The following VRK3 variants were observed in gnomAD, a reference collection of about 807,000 sequenced individuals.
VRK3 encodes serine/threonine-protein kinase VRK3.
VRK3 carries 50 observed loss-of-function variants against 60.4 expected under a neutral mutation model. That is an observed-to-expected ratio of 0.83 (90% CI 0.66 to 1.05). The LOEUF (loss-of-function observed/expected upper bound fraction) is 1.05, where lower values mean the gene tolerates loss of function less well. Ranked by LOEUF, VRK3 falls within the 50% of genes least tolerant of loss-of-function variation. VRK3 has a pLI of 0.00. For synonymous variants in VRK3, 246 were observed against 227.8 expected, an observed-to-expected ratio of 1.08 and a Z score of -0.72; for missense variants, 549 against 585.3, an observed-to-expected ratio of 0.94 and a Z score of 0.64.
intron 11 of VRK3, among the ~76,000 whole-genome samples, chr19:49,989,342 G>A (rs1238071314): frequency 2.0e-5 from 3 of 152,112 alleles, no homozygotes; most frequent in Non-Finnish European, 2.9e-5. Context: ...CTCCTCAACA[G>A]CCCCTCCTGG....
intron 12 of VRK3, among the ~76,000 whole-genome samples, chr19:49,984,555 G>C (rs1171459347): frequency 1.3e-5 from 2 of 152,164 alleles, no homozygotes; most frequent in African/African-American, 4.8e-5. Flanking sequence ...GCGTCTGCCC[G>C]ACCTCTGTGT....
At chr19:49,993,917 CCT>C (rs1027536865) in intron 9 of VRK3, among the ~76,000 whole-genome samples, 11 of 152,120 alleles carry the variant, frequency 7.2e-5, no homozygotes, top group Admixed American at 2.0e-4. Flanking sequence ...CCATATGGCC[CCT>C]GAGGGCCTTT....
chr19:50,009,711 G>A (rs2076962462), intron 3 of VRK3, among the ~76,000 whole-genome samples: 1 of 152,102 alleles, frequency 6.6e-6, no homozygotes, highest in African/African-American at 2.4e-5. Context: ...TTGGCTCACT[G>A]CAACCTCTGC....
chr19:50,002,940 C>G (rs957031092), intron 5 of VRK3, among the ~76,000 whole-genome samples: 1 of 152,248 alleles, frequency 6.6e-6, no homozygotes, highest in Non-Finnish European at 1.5e-5. Context: ...GAGCACTGTT[C>G]TGGGACCCAT....
intron 3 of VRK3, 27 bp from the exon 4 acceptor site, chr19:50,009,412 C>A: frequency 6.2e-7 from 1 of 1,611,084 alleles, no homozygotes; most frequent in South Asian, 1.1e-5. Context: ...AAAATGCAGA[C>A]TGGAGTTACA....
At chr19:49,984,990 T>C (rs1268564776) in intron 12 of VRK3, among the ~76,000 whole-genome samples, 1 of 152,236 alleles carries the variant, frequency 6.6e-6, no homozygotes, top group Admixed American at 6.5e-5. Context: ...TGTGTGTGTG[T>C]GTCACAGGGA....
At chr19:49,977,858 C>T (rs1320993081) in intron 14 of VRK3, among the ~76,000 whole-genome samples, 5 of 152,258 alleles carry the variant, frequency 3.3e-5, no homozygotes, top group Admixed American at 6.5e-5. Context: ...TACTCCACCA[C>T]GGAGAAAAGA....
At chr19:50,010,415 A>G (rs1216890042) in intron 3 of VRK3, among the ~76,000 whole-genome samples, 1 of 152,186 alleles carries the variant, frequency 6.6e-6, no homozygotes, top group Non-Finnish European at 1.5e-5. Flanking sequence ...GGTACTCATG[A>G]TCCTTGGATG....
chr19:49,984,239 C>A (rs889358464), intron 12 of VRK3, among the ~76,000 whole-genome samples: 1 of 152,204 alleles, frequency 6.6e-6, no homozygotes, highest in African/African-American at 2.4e-5. Context: ...TGGGCTGATT[C>A]TAACCTGGGT....
chr19:49,986,812 A>T (rs2076523931), intron 12 of VRK3: 1 of 152,156 alleles, frequency 6.6e-6, no homozygotes, highest in Admixed American at 6.5e-5. Flanking sequence ...GGCTCCGGAG[A>T]TATTCCCGGG....
intron 4 of VRK3, among the ~76,000 whole-genome samples, chr19:50,008,445 C>T (rs2076938644): frequency 6.6e-6 from 1 of 152,158 alleles, no homozygotes. Flanking sequence ...TGGCAAGAGG[C>T]CTCTGGGCCC....
Position 50,009,351 on chromosome 19 carries a change from G to C in VRK3, c.174C>G (p.Thr58=), listed in dbSNP as rs2122471931. Residue 58 remains threonine (T), a synonymous_variant, in exon 4 of 15, where the codon ACC becomes ACG. Coordinates refer to ENST00000316763, the MANE Select transcript of VRK3 (RefSeq NM_016440.4). ...SKRGLNSSFE[T]SPKKVKWSST... ...TGGACCATTTCACTTTCTTAGGAGA[G>C]GTTTCAAAACTGGAGTTCAGCCCTC... 6.2e-7 allele frequency: 1 copy of C among 1,613,916 alleles called. No individual in the cohort carries two copies. The highest frequency in any genetic ancestry group is 1.7e-4 in the Middle Eastern group (1 of 6,024).
At chr19:50,015,474 A>G (rs894403128) in intron 3 of VRK3, among the ~76,000 whole-genome samples, 1 of 151,990 alleles carries the variant, frequency 6.6e-6, no homozygotes, top group Admixed American at 6.6e-5. Context: ...ATGCCCAGCT[A>G]ATTTTTGTAT....
rs1472490311 is a variant in VRK3, at chr19:50,015,884, G to T, written c.139+140C>A. 4.6e-6 allele frequency: 5 copies of T among 1,093,270 alleles called. No homozygotes were observed. The East Asian group carries it at 1.2e-4, about 26-fold the overall frequency. The allele number at this position is 1,093,270 out of a possible 1,614,324, so 67.7% of individuals were successfully genotyped here. A position where few individuals can be genotyped will look rare whatever the true frequency, so the allele number is the denominator to read the frequency against. ...GGCCAAGAGACTGATGGTAGACAGAGGGGTCCAGTCCTGAGGCCTGGGCTT... is the reference window on the plus strand; with the variant it reads ...GGCCAAGAGACTGATGGTAGACAGATGGGTCCAGTCCTGAGGCCTGGGCTT... On this transcript the variant is annotated intron_variant, in intron 3 of 14. Coordinates refer to ENST00000316763, the MANE Select transcript of VRK3 (RefSeq NM_016440.4).
chr19:50,007,764 C>T lies in VRK3; in HGVS notation c.352G>A (p.Val118Met), dbSNP rs1251477181. 1 of 1,613,948 alleles carries T rather than the reference C, an allele frequency of 6.2e-7. No homozygotes were observed. The highest frequency in any genetic ancestry group is 2.2e-5 in the East Asian group (1 of 44,864). The change falls in exon 5 of 15, where the codon GTG (valine) becomes ATG (methionine). Residue 118 changes from valine (V) to methionine (M), a missense_variant. By Grantham distance (21) the Val-to-Met change is conservative (BLOSUM62 1). Transcript: ENST00000316763. ...GTCTTCTGAGGGCTACCCCTGGTCA[C>T]CTGAGGGCTCTTCCTGGTCTTCTGA... ...SPQKTRKSPQ[V>M]TRGSPQKTSC...
intron 6 of VRK3, 80 bp from the exon 7 acceptor site, chr19:49,997,650 T>C (rs2076729005): frequency 6.6e-7 from 1 of 1,515,954 alleles, no homozygotes. Flanking sequence ...GGCAATTTGT[T>C]ACTCCCTCAA....
chr19:49,981,058 G>C lies in VRK3; in HGVS notation c.1218-45C>G, dbSNP rs181048565. The C allele has an allele frequency of 2.2e-4, 345 of 1,575,910 alleles. 2 individuals are homozygous for C. In the African/African-American group the frequency reaches 4.3e-3, roughly 20 times the overall value. On this transcript the variant is annotated intron_variant, in intron 12 of 14. Coordinates refer to ENST00000316763, the MANE Select transcript of VRK3 (RefSeq NM_016440.4). ...TGTGAAAGGTCTCTTAGGGAAAGGA[G>C]AGCAACCTTTTAAAACAGAATGCCT...
intron 3 of VRK3, among the ~76,000 whole-genome samples, chr19:50,014,721 G>A (rs1419322578): frequency 6.6e-6 from 1 of 152,194 alleles, no homozygotes; most frequent in Admixed American, 6.5e-5. Context: ...GCAGCCAGGA[G>A]GCCAGTGTGG....
intron 3 of VRK3, among the ~76,000 whole-genome samples, chr19:50,014,776 G>C (rs55785633): frequency 0.18 from 27,270 of 152,014 alleles, 2,675 homozygotes; most frequent in East Asian, 0.34. Context: ...AGGGGAAATG[G>C]GGACCTGGTC....
Sources: gnomAD v4.1 joint callset for allele counts (sites outside exome capture counted in the v4.1 genomes callset) on GRCh38, gnomAD v4.1.1 for gene constraint, MANE v1.5 for transcripts, NCBI Gene and HGNC (gene_info 2026-07-23, HGNC 2026-07-21) for gene names.